Variants in AAMDC observed in about 807,000 individuals in gnomAD.
AAMDC encodes mth938 domain-containing protein.
In AAMDC, 16 loss-of-function variants were observed where a neutral mutation model predicts 15.5. That is an observed-to-expected ratio of 1.03 (90% CI 0.70 to 1.57). The LOEUF is 1.57. Ranked by LOEUF, AAMDC falls within the 40% of genes most tolerant of loss-of-function variation. AAMDC has a pLI of 0.00. For missense variants in AAMDC, 141 were observed against 144.9 expected, an observed-to-expected ratio of 0.97 and a Z score of 0.14; for synonymous variants, 51 against 51.6, an observed-to-expected ratio of 0.99 and a Z score of 0.05.
downstream of AAMDC, among the ~76,000 whole-genome samples, chr11:77,876,645 CT>C (rs1951602867): frequency 6.6e-6 from 1 of 152,128 alleles, no homozygotes; most frequent in African/African-American, 2.4e-5. Context: ...TCTTACACAG[CT>C]TTTAAAAATG....
In AAMDC at chr11:77,821,389, TA is replaced by T. The variant is rs562399833; in HGVS notation, c.-19+149del. 432 of 153,676 alleles carry T rather than the reference TA, an allele frequency of 2.8e-3. 5 individuals are homozygous for T. The highest frequency in any genetic ancestry group is 3.7e-3 in the Admixed American group (57 of 15,268). 9.5% of individuals were successfully genotyped at this position (153,676 alleles called of 1,614,324 possible). A position where few individuals can be genotyped will look rare whatever the true frequency, so the allele number is the denominator to read the frequency against. Reference sequence around the variant, plus strand: ...GGAAAGGTAGAGGTGTGCCCTTAATTAGGGGCTGGGCTGGGACCTCGGTAAG... The same window carrying T: ...GGAAAGGTAGAGGTGTGCCCTTAATTGGGGCTGGGCTGGGACCTCGGTAAG... On this transcript the variant is annotated intron_variant, in intron 1 of 3. Coordinates refer to ENST00000393427, the MANE Select transcript of AAMDC (RefSeq NM_024684.4).
intron 2 of AAMDC, among the ~76,000 whole-genome samples, chr11:77,862,237 A>T (rs186137793): frequency 1.4e-4 from 21 of 152,214 alleles, no homozygotes; most frequent in Admixed American, 1.3e-3. Context: ...CCTATCATTG[A>T]CCTGAGATAC....
intron 5 of AAMDC, among the ~76,000 whole-genome samples, chr11:77,897,642 A>C (rs1952585061): frequency 6.6e-6 from 1 of 150,500 alleles, no homozygotes; most frequent in Non-Finnish European, 1.5e-5. Flanking sequence ...CTGGGATTAC[A>C]GGCACCTGCC....
chr11:77,865,247 A>C (rs1951058145), intron 2 of AAMDC, among the ~76,000 whole-genome samples: 1 of 152,204 alleles, frequency 6.6e-6, no homozygotes, highest in Non-Finnish European at 1.5e-5. Flanking sequence ...TGTAATAGAA[A>C]TCTCAAAATT....
chr11:77,853,601 T>G (rs1284813980), intron 2 of AAMDC, among the ~76,000 whole-genome samples: 1 of 152,076 alleles, frequency 6.6e-6, no homozygotes, highest in Non-Finnish European at 1.5e-5. Flanking sequence ...TCAAACCATA[T>G]CATTCTGCAT....
downstream of AAMDC, among the ~76,000 whole-genome samples, chr11:77,877,266 A>T (rs1951625403): frequency 6.8e-6 from 1 of 146,292 alleles, no homozygotes; most frequent in Non-Finnish European, 1.5e-5. Flanking sequence ...TTAATTAATT[A>T]ATGTAAAGAG....
intron 5 of AAMDC, chr11:77,900,557 T>C: frequency 1.5e-6 from 1 of 671,876 alleles, no homozygotes; most frequent in Non-Finnish European, 2.7e-6. Flanking sequence ...GGCACTTTTT[T>C]TTTTTTGACA....
chr11:77,864,983 A>C (rs1951045252), intron 2 of AAMDC, among the ~76,000 whole-genome samples: 1 of 152,142 alleles, frequency 6.6e-6, no homozygotes. Context: ...TCTCAAAAAC[A>C]AAAAAGAATG....
At chr11:77,885,833 A>C (rs937789032) in intron 5 of AAMDC, among the ~76,000 whole-genome samples, 1 of 151,888 alleles carries the variant, frequency 6.6e-6, no homozygotes, top group African/African-American at 2.4e-5. Flanking sequence ...AAAAAGAAAG[A>C]AAGAAAGAAA....
At chr11:77,852,924 T>G (rs910773561) in intron 2 of AAMDC, among the ~76,000 whole-genome samples, 2 of 152,190 alleles carry the variant, frequency 1.3e-5, no homozygotes, top group South Asian at 2.1e-4. Flanking sequence ...GTAATATTGT[T>G]TATTCACTTT....
chr11:77,901,573 C>T (rs768744878), downstream of AAMDC: 2 of 1,559,730 alleles, frequency 1.3e-6, no homozygotes, highest in Non-Finnish European at 1.8e-6. Context: ...AGATAATTAA[C>T]AATCAATAAA....
At chr11:77,880,043 A>G (rs2136347607) in intron 5 of AAMDC, among the ~76,000 whole-genome samples, 1 of 152,328 alleles carries the variant, frequency 6.6e-6, no homozygotes, top group Middle Eastern at 3.4e-3. Context: ...TCTATTAACC[A>G]CAAGCTTCTA....
chr11:77,830,966 C>T (rs902249130), intron 1 of AAMDC, among the ~76,000 whole-genome samples: 1 of 139,272 alleles, frequency 7.2e-6, no homozygotes, highest in Non-Finnish European at 1.5e-5. Flanking sequence ...CATGGCGAGA[C>T]CCTGTCTCTA....
At chr11:77,842,773 G>A in intron 2 of AAMDC, 145 bp downstream of exon 2, 2 of 1,162,934 alleles carry the variant, frequency 1.7e-6, no homozygotes, top group South Asian at 3.0e-5. Flanking sequence ...CCCTTTTAAA[G>A]TATGCAATTC....
intron 2 of AAMDC, among the ~76,000 whole-genome samples, chr11:77,846,225 G>T (rs986243286): frequency 3.3e-5 from 5 of 152,018 alleles, no homozygotes; most frequent in African/African-American, 9.7e-5. Context: ...TTACATTGCT[G>T]GAATCAGATG....
chr11:77,896,582 G>A lies in AAMDC; in HGVS notation c.329-3989G>A, dbSNP rs185340624. Among the ~76,000 whole-genome samples, 630 of 151,514 alleles carry A rather than the reference G, an allele frequency of 4.2e-3. 2 individuals carry two copies. The highest frequency in any genetic ancestry group is 7.0e-3 in the Non-Finnish European group (478 of 67,954). ...CAGGAGAATCTCTTGAACCCGGGAGGTGGAGGTTGTGGGGAGCTGAGTTTG... is the reference window on the plus strand; with the variant it reads ...CAGGAGAATCTCTTGAACCCGGGAGATGGAGGTTGTGGGGAGCTGAGTTTG... On this transcript the variant is annotated intron_variant, in intron 5 of 5. Transcript: ENST00000304716.
Position 77,872,272 on chromosome 11 carries a change from C to A in AAMDC, c.326C>A (p.Ala109Asp). Residue 109 changes from alanine to aspartate, a missense_variant, in exon 4 of 4, where the codon GCC becomes GAC. Ala to Asp is a moderately radical substitution (Grantham distance 126). Coordinates refer to ENST00000393427, the MANE Select transcript of AAMDC (RefSeq NM_024684.4). Reference protein sequence around the residue: ...QAVKEYNALVAQGVRVGGVFH... With the variant: ...QAVKEYNALVDQGVRVGGVFH... ...GTGAAGGAGTATAATGCCTTGGTTG[C>A]CCAAGGGGTCAGGGTGGGAGGTGTC... 1 of 1,613,430 alleles carries A rather than the reference C, an allele frequency of 6.2e-7. No homozygotes were observed. The highest frequency in any genetic ancestry group is 1.1e-5 in the South Asian group (1 of 90,992).
rs1309107393 is a variant in AAMDC, at chr11:77,872,241, C to T, written c.295C>T (p.Gln99Ter). Residue 99 changes from glutamine to a stop codon, truncating the protein, a stop_gained, in exon 4 of 4, where the codon CAG becomes TAG. Transcript: ENST00000393427. LOFTEE classifies it high-confidence loss of function. The stretch of plus-strand genomic sequence containing the variant: ...TGATGTGCGGGTCCTCCAGACAGAG[C>T]AGGCAGTGAAGGAGTATAATGCCTT... ...GIDVRVLQTE[Q>*]AVKEYNALVA... is the part of the protein sequence containing the mutation. 2.5e-6 allele frequency: 4 copies of T among 1,613,664 alleles called. No homozygotes were observed. The highest frequency in any genetic ancestry group is 1.3e-5 in the African/African-American group (1 of 74,894).
intron 1 of AAMDC, chr11:77,840,956 T>C (rs1035984800): frequency 4.1e-6 from 2 of 490,080 alleles, no homozygotes; most frequent in African/African-American, 3.8e-5. Context: ...TGTGCTCCTA[T>C]AACTGAATAC....
Sources: allele counts gnomAD v4.1 joint callset (sites outside exome capture counted in the v4.1 genomes callset), GRCh38; gene constraint gnomAD v4.1.1; transcripts MANE v1.5; gene names NCBI Gene and HGNC (gene_info 2026-07-23, HGNC 2026-07-21).